The following LYG2 variants were observed in gnomAD, a reference collection of about 807,000 sequenced individuals.
The protein encoded by LYG2 is lysozyme g-like protein 2.
A neutral mutation model predicts 22.4 loss-of-function variants in LYG2; 25 were observed. The observed-to-expected ratio is 1.12, with a 90% CI of 0.81 to 1.56. LYG2 has a LOEUF of 1.56. LYG2 is among the 40% of genes most tolerant of loss of function. The pLI is 0.00. For synonymous variants in LYG2, 88 were observed against 97.0 expected, an observed-to-expected ratio of 0.91 and a Z score of 0.55; for missense variants, 266 against 269.5, an observed-to-expected ratio of 0.99 and a Z score of 0.09.
chr2:99,244,158 A>C (rs533233002), intron 5 of LYG2, 21 bp from the exon 6 acceptor site: 6 of 1,609,710 alleles, frequency 3.7e-6, no homozygotes, highest in Admixed American at 3.4e-5. Flanking sequence ...CAGATAATAA[A>C]GTCAGCATCT....
chr2:99,258,009 C>A (rs2094039456), upstream of LYG2, among the ~76,000 whole-genome samples: 1 of 152,194 alleles, frequency 6.6e-6, no homozygotes, highest in Admixed American at 6.5e-5. Context: ...TAGGTTAGCA[C>A]TTTTGGGAGT....
chr2:99,243,006 A>G (rs2094009100), intron 6 of LYG2, among the ~76,000 whole-genome samples: 1 of 152,228 alleles, frequency 6.6e-6, no homozygotes, highest in Non-Finnish European at 1.5e-5. Flanking sequence ...TGTGTTTAAC[A>G]TAATTGTGCT....
In LYG2 at chr2:99,245,394, C is replaced by CT; in HGVS notation, c.248_249insA (p.Ile84AspfsTer39). 4 of 1,613,070 alleles carry CT rather than the reference C, an allele frequency of 2.5e-6. No individual in the cohort carries two copies. The highest frequency in any genetic ancestry group is 3.4e-6 in the Non-Finnish European group (4 of 1,179,504). On this transcript the variant is annotated frameshift_variant, in exon 5 of 7. Transcript: ENST00000333017. LOFTEE classifies it high-confidence loss of function. ...AATGTCTCTGCCCGACTTCTTTGAT[C>CT]AGAGTCTGGTAAGGTTTTATGGCCC...
chr2:99,243,757 A>C (rs577796110), intron 6 of LYG2: 2 of 557,618 alleles, frequency 3.6e-6, no homozygotes, highest in Non-Finnish European at 6.1e-6. Context: ...GGTATCACTC[A>C]ATAGCTCAGT....
intron 3 of LYG2, among the ~76,000 whole-genome samples, chr2:99,252,661 A>G (rs1346470357): frequency 6.6e-6 from 1 of 152,220 alleles, no homozygotes. Flanking sequence ...TGACAGGTTC[A>G]GTATCCTTTC....
In LYG2 at chr2:99,245,166, T is replaced by G; in HGVS notation, c.381+96A>C. On this transcript the variant is annotated intron_variant, in intron 5 of 6. Transcript: ENST00000333017. ...CCTGTAGCCAGATGCCAGGGTATTT[T>G]GGGGCTTGGAAGCACTGCAAATGGA... 15 of 1,360,420 alleles carry G rather than the reference T, an allele frequency of 1.1e-5. No individual in the cohort carries two copies. The South Asian group carries it at 2.4e-4, about 22-fold the overall frequency. The allele number at this position is 1,360,420 out of a possible 1,614,324, so 84.3% of individuals were successfully genotyped here.
At chr2:99,250,815 A>G (rs1476408439) in intron 3 of LYG2, among the ~76,000 whole-genome samples, 1 of 152,272 alleles carries the variant, frequency 6.6e-6, no homozygotes, top group South Asian at 2.1e-4. Flanking sequence ...CACTGTTGAT[A>G]AGAGCAAAGG....
chr2:99,254,414 A>C, intron 2 of LYG2, 129 bp from the exon 3 acceptor site: 1 of 455,718 alleles, frequency 2.2e-6, no homozygotes, highest in Non-Finnish European at 3.8e-6. Flanking sequence ...GTTTCAAGAT[A>C]GTATTCTCAC....
At chr2:99,247,559 A>T (rs2094018374) in intron 3 of LYG2, among the ~76,000 whole-genome samples, 1 of 151,618 alleles carries the variant, frequency 6.6e-6, no homozygotes, top group Admixed American at 6.6e-5. Context: ...ACAGTACCTG[A>T]TGTGTAGTTT....
chr2:99,244,253 G>A, intron 5 of LYG2, 116 bp from the exon 6 acceptor site: 1 of 997,780 alleles, frequency 1.0e-6, no homozygotes, highest in Non-Finnish European at 1.4e-6. Context: ...TCCCCAAAGA[G>A]TCAATTCTAT....
intron 2 of LYG2, among the ~76,000 whole-genome samples, chr2:99,254,721 G>A (rs1176762385): frequency 6.6e-6 from 1 of 152,112 alleles, no homozygotes; most frequent in East Asian, 1.9e-4. Context: ...CCAGGCTGGA[G>A]TGCAGTGGCA....
chr2:99,250,649 C>T (rs1290839617), intron 3 of LYG2, among the ~76,000 whole-genome samples: 1 of 152,222 alleles, frequency 6.6e-6, no homozygotes, highest in African/African-American at 2.4e-5. Flanking sequence ...GCTGGGATTA[C>T]AGGCGTGAGC....
At position 99,246,671 on chromosome 2, in the gene LYG2, T is replaced by G. The variant is rs1475300087; in HGVS notation, c.184+9A>C. Reference sequence around the variant, plus strand: ...GGGAAGCCAGTCATTTGCTCTGCTTTTCACTTACCGCAGTTCATCACACTG... The same window carrying G: ...GGGAAGCCAGTCATTTGCTCTGCTTGTCACTTACCGCAGTTCATCACACTG... On this transcript the variant is annotated intron_variant, in intron 4 of 6. Transcript: ENST00000333017. 7 of 1,607,150 alleles carry G rather than the reference T, an allele frequency of 4.4e-6. No individual in the cohort carries two copies. In the African/African-American group the frequency reaches 6.7e-5, roughly 15 times the overall value.
At chr2:99,254,164 G>A in intron 3 of LYG2, 54 bp downstream of exon 3, 1 of 1,471,064 alleles carries the variant, frequency 6.8e-7, no homozygotes, top group African/African-American at 1.4e-5. Context: ...TGATTGTGCT[G>A]GAGGTTTTTG....
chr2:99,243,557 A>G (rs2105269577), intron 6 of LYG2: 3 of 1,413,714 alleles, frequency 2.1e-6, no homozygotes, highest in Non-Finnish European at 2.9e-6. Flanking sequence ...TTTTTGAGAG[A>G]TGGGGTCTCA....
chr2:99,258,030 C>T (rs1346930291), upstream of LYG2, among the ~76,000 whole-genome samples: 4 of 152,156 alleles, frequency 2.6e-5, no homozygotes, highest in Non-Finnish European at 5.9e-5. Context: ...TAAAGGAATC[C>T]AGCACCTCAG....
chr2:99,246,767 G>A lies in LYG2; in HGVS notation c.97C>T (p.Pro33Ser). 6.2e-7 allele frequency: 1 copy of A among 1,614,148 alleles called. No individual in the cohort carries two copies. The highest frequency in any genetic ancestry group is 8.5e-7 in the Non-Finnish European group (1 of 1,179,988). The change falls in exon 4 of 7, where the codon CCA becomes TCA. Residue 33 changes from proline (P) to serine (S), a missense_variant. Coordinates refer to ENST00000333017, the MANE Select transcript of LYG2 (RefSeq NM_175735.4). ...CCATAGCAGCCGTGGTACAGGCGTG[G>A]ATGTAGGTGAGGCTTCATTGAGTGA... ...FSHSMKPHLH[P>S]RLYHGCYGDI...
chr2:99,249,297 G>C lies in LYG2; in HGVS notation c.44-2477C>G, dbSNP rs188013938. Among the ~76,000 whole-genome samples, 39 of 152,228 alleles carry C rather than the reference G, an allele frequency of 2.6e-4. No homozygotes were observed. In the East Asian group the frequency reaches 6.8e-3, roughly 26 times the overall value. ...TAGCCTGGTGTAGTGGCACATGCCTGTAGTCCCAGTTGCATGGGAGACTGA... is the reference window on the plus strand; with the variant it reads ...TAGCCTGGTGTAGTGGCACATGCCTCTAGTCCCAGTTGCATGGGAGACTGA... On this transcript the variant is annotated intron_variant, in intron 3 of 6. Coordinates refer to ENST00000333017, the MANE Select transcript of LYG2 (RefSeq NM_175735.4).
At chr2:99,261,482 T>A in the LYG2 span, among the ~76,000 whole-genome samples, 1 of 152,220 alleles carries the variant, frequency 6.6e-6, no homozygotes, top group Non-Finnish European at 1.5e-5. Context: ...GCAGTCTTGA[T>A]TTCTAGGAGA....
Sources: gnomAD v4.1 joint callset for allele counts (sites outside exome capture counted in the v4.1 genomes callset) on GRCh38, gnomAD v4.1.1 for gene constraint, MANE v1.5 for transcripts, NCBI Gene and HGNC (gene_info 2026-07-23, HGNC 2026-07-21) for gene names.